ENOX1: variants seen among roughly 807,000 people sequenced by gnomAD.
ENOX1 encodes the protein ecto-NOX disulfide-thiol exchanger 1, also known as candidate growth-related and time keeping constitutive hydroquinone (NADH) oxidase.
A neutral mutation model predicts 82.5 loss-of-function variants in ENOX1; 42 were observed. The observed-to-expected ratio is 0.51, with a 90% CI of 0.40 to 0.66. ENOX1 has a LOEUF of 0.66. Among genes scored for constraint, ENOX1 ranks in the 30% least tolerant of loss-of-function variants. The pLI, the probability that ENOX1 is intolerant of heterozygous loss-of-function variation, is 0.00. For synonymous variants in ENOX1, 271 were observed against 282.2 expected (o/e 0.96, Z 0.40); for missense variants, 608 against 811.6 (o/e 0.75, Z 3.05).
At chr13:43,288,171 C>T (rs2045808200) in intron 12 of ENOX1, among the ~76,000 whole-genome samples, 1 of 152,190 alleles carries the variant, frequency 6.6e-6, no homozygotes, top group Admixed American at 6.5e-5. Context: ...AAAGGAAGAC[C>T]ATGGTGGACC....
intron 3 of ENOX1, among the ~76,000 whole-genome samples, chr13:43,470,861 C>CAG (rs2058038601): frequency 6.6e-6 from 1 of 151,954 alleles, no homozygotes; most frequent in Non-Finnish European, 1.5e-5. Flanking sequence ...CCTAAAAAGT[C>CAG]AGACTGCACC....
chr13:43,591,846 C>A (rs1593992029), intron 2 of ENOX1, among the ~76,000 whole-genome samples: 1 of 152,164 alleles, frequency 6.6e-6, no homozygotes, highest in East Asian at 1.9e-4. Flanking sequence ...CTGGTGTTGG[C>A]AAATAGAAGT....
intron 10 of ENOX1, 35 bp from the exon 11 acceptor site, chr13:43,322,536 A>G (rs1454734640): frequency 6.4e-7 from 1 of 1,559,352 alleles, no homozygotes; most frequent in Non-Finnish European, 8.8e-7. Flanking sequence ...TCAGAGTCAC[A>G]GACACATATG....
At chr13:43,604,890 T>C (rs2081910047) in intron 2 of ENOX1, among the ~76,000 whole-genome samples, 1 of 152,200 alleles carries the variant, frequency 6.6e-6, no homozygotes, top group Non-Finnish European at 1.5e-5. Context: ...AAAACACTAT[T>C]AGAAATGATA....
At chr13:43,392,468 C>G (rs2052847416) in intron 5 of ENOX1, among the ~76,000 whole-genome samples, 1 of 152,170 alleles carries the variant, frequency 6.6e-6, no homozygotes, top group African/African-American at 2.4e-5. Context: ...CCCCTGAGGT[C>G]AGGAGTTCAA....
chr13:43,296,905 C>T (rs1037418124), intron 12 of ENOX1, among the ~76,000 whole-genome samples: 7 of 152,162 alleles, frequency 4.6e-5, no homozygotes, highest in Middle Eastern at 3.2e-3. Context: ...GGGAAATCGA[C>T]GGCCTCTCAT....
chr13:43,622,648 G>A (rs2082787491), intron 2 of ENOX1, among the ~76,000 whole-genome samples: 1 of 152,122 alleles, frequency 6.6e-6, no homozygotes, highest in Non-Finnish European at 1.5e-5. Flanking sequence ...TGGTGGAGGT[G>A]GCAGGGATGG....
chr13:43,434,679 G>A (rs1007724399), intron 3 of ENOX1, among the ~76,000 whole-genome samples: 2 of 152,130 alleles, frequency 1.3e-5, no homozygotes, highest in African/African-American at 4.8e-5. Flanking sequence ...GTCAAATATT[G>A]GCAGTTTCAT....
intron 2 of ENOX1, among the ~76,000 whole-genome samples, chr13:43,637,544 C>T (rs957135418): frequency 1.3e-5 from 2 of 152,024 alleles, no homozygotes; most frequent in African/African-American, 4.8e-5. Context: ...GGTCTCCTCT[C>T]TGTCCTTCCT....
intron 3 of ENOX1, among the ~76,000 whole-genome samples, chr13:43,420,342 A>T (rs748329248): frequency 3.3e-5 from 5 of 152,192 alleles, no homozygotes; most frequent in Non-Finnish European, 5.9e-5. Flanking sequence ...CCCACTGAGG[A>T]ACAACTAAAA....
intron 3 of ENOX1, among the ~76,000 whole-genome samples, chr13:43,443,653 C>T (rs1278476589): frequency 6.6e-6 from 1 of 151,990 alleles, no homozygotes; most frequent in South Asian, 2.1e-4. Context: ...ACTGGTATAT[C>T]CCGGTGGTGG....
intron 3 of ENOX1, among the ~76,000 whole-genome samples, chr13:43,464,987 G>A (rs1284697626): frequency 6.6e-6 from 1 of 152,170 alleles, no homozygotes; most frequent in Non-Finnish European, 1.5e-5. Context: ...GGGTTATTGG[G>A]AAGAATATCA....
chr13:43,305,992 C>T (rs906042107), intron 11 of ENOX1, among the ~76,000 whole-genome samples: 11 of 152,098 alleles, frequency 7.2e-5, no homozygotes, highest in African/African-American at 9.7e-5. Flanking sequence ...CCAGCCCAGC[C>T]GCAGGAAGAG....
intron 2 of ENOX1, among the ~76,000 whole-genome samples, chr13:43,549,681 C>T (rs932240981): frequency 1.3e-5 from 2 of 152,156 alleles, no homozygotes; most frequent in Non-Finnish European, 2.9e-5. Context: ...AGAGGATACT[C>T]CTCTGTATCT....
chr13:43,282,857 C>A (rs2045472650), intron 12 of ENOX1, among the ~76,000 whole-genome samples: 1 of 151,498 alleles, frequency 6.6e-6, no homozygotes, highest in South Asian at 2.1e-4. Flanking sequence ...CTTTGGGAGG[C>A]TGAGGCGGGT....
At position 43,282,510 on chromosome 13, in the gene ENOX1, C is replaced by T. The variant is rs145514533; in HGVS notation, c.1447-12933G>A. ...TTGCCCAGGCTGGAATGCAGTGGCTCGACTGCAGCCTCGACCTCCTAGGCT... is the reference window on the plus strand; with the variant it reads ...TTGCCCAGGCTGGAATGCAGTGGCTTGACTGCAGCCTCGACCTCCTAGGCT... On this transcript the variant is annotated intron_variant, in intron 12 of 16. Transcript: ENST00000690772. 9.7e-4 allele frequency among the ~76,000 whole-genome samples: 146 copies of T among 150,084 alleles called. 5 individuals are homozygous for T. In the East Asian group the frequency reaches 0.018, roughly 18 times the overall value.
chr13:43,701,556 G>C (rs997559692), intron 1 of ENOX1, among the ~76,000 whole-genome samples: 1 of 152,102 alleles, frequency 6.6e-6, no homozygotes, highest in Non-Finnish European at 1.5e-5. Context: ...ATTGTGTAAG[G>C]TAACCTATGA....
At chr13:43,217,715 C>A (rs1239809234) in intron 16 of ENOX1, among the ~76,000 whole-genome samples, 1 of 152,192 alleles carries the variant, frequency 6.6e-6, no homozygotes, top group Non-Finnish European at 1.5e-5. Context: ...CACTTAACTT[C>A]TTTGGGCCTG....
intron 9 of ENOX1, among the ~76,000 whole-genome samples, chr13:43,328,082 T>C (rs2048215906): frequency 6.6e-6 from 1 of 152,198 alleles, no homozygotes. Flanking sequence ...TGGGCACATG[T>C]GGCTTCCCTC....
Sources: gnomAD v4.1 joint callset for allele counts (sites outside exome capture counted in the v4.1 genomes callset) on GRCh38, gnomAD v4.1.1 for gene constraint, MANE v1.5 for transcripts, NCBI Gene and HGNC (gene_info 2026-07-23, HGNC 2026-07-21) for gene names.